UBE2E2: variants seen among roughly 807,000 people sequenced by gnomAD.
The protein encoded by UBE2E2 is ubiquitin-conjugating enzyme E2 E2.
Under a neutral mutation model 24.7 loss-of-function variants are expected in UBE2E2, and 6 were observed. The observed-to-expected ratio is 0.24, with a 90% CI of 0.13 to 0.48. UBE2E2 has a LOEUF of 0.48. UBE2E2 is among the 20% of genes least tolerant of loss of function. UBE2E2 has a pLI of 0.99. For synonymous variants in UBE2E2, 104 were observed against 83.6 expected (o/e 1.24, Z -1.33); for missense variants, 169 against 245.0 (o/e 0.69, Z 2.07).
intron 5 of UBE2E2, among the ~76,000 whole-genome samples, chr3:23,568,660 C>A (rs1696141960): frequency 1.0e-5 from 1 of 97,494 alleles, no homozygotes; most frequent in Non-Finnish European, 2.0e-5. Context: ...TATATGTATA[C>A]ATATATACGC....
intron 3 of UBE2E2, among the ~76,000 whole-genome samples, chr3:23,354,079 G>A (rs1422896454): frequency 1.3e-5 from 2 of 152,012 alleles, no homozygotes; most frequent in African/African-American, 2.4e-5. Flanking sequence ...CAGAAATAAC[G>A]CCACATATCT....
At chr3:23,522,068 AT>A (rs1198808794) in intron 4 of UBE2E2, among the ~76,000 whole-genome samples, 1 of 151,428 alleles carries the variant, frequency 6.6e-6, no homozygotes. Context: ...TGATTATGTT[AT>A]TGGATAACTT....
chr3:23,501,473 G>A (rs540709543), intron 4 of UBE2E2, among the ~76,000 whole-genome samples: 1 of 152,172 alleles, frequency 6.6e-6, no homozygotes, highest in Non-Finnish European at 1.5e-5. Context: ...ATGAGACTTA[G>A]AGAGGTTTTC....
At chr3:23,465,633 T>A (rs1003029132) in intron 3 of UBE2E2, among the ~76,000 whole-genome samples, 18 of 152,186 alleles carry the variant, frequency 1.2e-4, no homozygotes, top group African/African-American at 4.3e-4. Flanking sequence ...AACTTCTACC[T>A]TCTCTTTTTG....
At chr3:23,472,754 C>G (rs1448735948) in intron 3 of UBE2E2, among the ~76,000 whole-genome samples, 1 of 151,660 alleles carries the variant, frequency 6.6e-6, no homozygotes, top group Non-Finnish European at 1.5e-5. Context: ...ACTCAATCCT[C>G]CCACCTCAGC....
At chr3:23,252,652 G>A (rs770026785) in intron 3 of UBE2E2, among the ~76,000 whole-genome samples, 1 of 152,036 alleles carries the variant, frequency 6.6e-6, no homozygotes, top group East Asian at 1.9e-4. Flanking sequence ...ACGTGCCGCC[G>A]CATCCAGCTG....
At chr3:23,429,373 TA>T (rs1354191859) in intron 3 of UBE2E2, among the ~76,000 whole-genome samples, 4 of 152,096 alleles carry the variant, frequency 2.6e-5, no homozygotes, top group African/African-American at 7.2e-5. Context: ...ATAATAGGCG[TA>T]AAAAATTTTA....
At chr3:23,351,086 A>T (rs569424687) in intron 3 of UBE2E2, among the ~76,000 whole-genome samples, 3 of 152,360 alleles carry the variant, frequency 2.0e-5, no homozygotes, top group South Asian at 2.1e-4. Flanking sequence ...AATATTCAAC[A>T]TTCCTAAAGA....
chr3:23,538,509 A>G (rs1203027376), intron 5 of UBE2E2, among the ~76,000 whole-genome samples: 1 of 152,196 alleles, frequency 6.6e-6, no homozygotes, highest in East Asian at 1.9e-4. Context: ...ACAGTAAACA[A>G]AGTTCAAAAC....
At chr3:23,296,767 A>G (rs935150987) in intron 3 of UBE2E2, among the ~76,000 whole-genome samples, 1 of 152,208 alleles carries the variant, frequency 6.6e-6, no homozygotes, top group African/African-American at 2.4e-5. Context: ...CGCAATAAAC[A>G]TACGTATGCA....
rs75623895 is a variant in UBE2E2, at chr3:23,372,223, A to C, written c.228-127385A>C. Among the ~76,000 whole-genome samples, 1,231 of 152,338 alleles carry C rather than the reference A, an allele frequency of 8.1e-3. 14 individuals carry two copies. Among genetic ancestry groups the C allele is most frequent in the African/African-American group, 0.028 (1,171 of 41,586 alleles). ...ATTATATCTCAATTCTTAATGCAGG[A>C]AAAAGCACACTCCTAATGGGTACTT... On this transcript the variant is annotated intron_variant, in intron 3 of 5. Transcript: ENST00000396703.
At chr3:23,417,012 G>A (rs552097633) in intron 3 of UBE2E2, among the ~76,000 whole-genome samples, 5 of 152,234 alleles carry the variant, frequency 3.3e-5, no homozygotes, top group Non-Finnish European at 7.4e-5. Context: ...CTTTAGCTCG[G>A]AGGAATTTGT....
chr3:23,267,932 T>C (rs1575518563), intron 3 of UBE2E2, among the ~76,000 whole-genome samples: 2 of 151,834 alleles, frequency 1.3e-5, no homozygotes, highest in South Asian at 4.2e-4. Flanking sequence ...ATCCAGCATA[T>C]AAACAGAACC....
intron 3 of UBE2E2, among the ~76,000 whole-genome samples, chr3:23,454,214 A>T (rs1012087798): frequency 6.6e-6 from 1 of 152,154 alleles, no homozygotes; most frequent in Non-Finnish European, 1.5e-5. Context: ...TTATAAACTG[A>T]TTTTTTAAAT....
intron 5 of UBE2E2, among the ~76,000 whole-genome samples, chr3:23,562,560 G>A (rs1027622585): frequency 2.6e-5 from 4 of 152,134 alleles, no homozygotes; most frequent in African/African-American, 9.7e-5. Flanking sequence ...CCAGGCTTTG[G>A]TATCAGGATG....
chr3:23,520,532 A>G (rs1490160783), intron 4 of UBE2E2, among the ~76,000 whole-genome samples: 1 of 152,248 alleles, frequency 6.6e-6, no homozygotes. Flanking sequence ...CTTTCAAAGA[A>G]TGTCTCTTTT....
intron 2 of UBE2E2, among the ~76,000 whole-genome samples, chr3:23,216,820 T>A (rs931525093): frequency 6.6e-5 from 10 of 152,086 alleles, no homozygotes; most frequent in Admixed American, 5.9e-4. Context: ...ACCATATGCA[T>A]CTTGATGGCA....
At chr3:23,505,817 A>G (rs1694440162) in intron 4 of UBE2E2, among the ~76,000 whole-genome samples, 2 of 152,196 alleles carry the variant, frequency 1.3e-5, no homozygotes, top group African/African-American at 2.4e-5. Flanking sequence ...GAAAAGTGAA[A>G]TAGATGGGGT....
intron 5 of UBE2E2, among the ~76,000 whole-genome samples, chr3:23,551,800 CG>C (rs1245565495): frequency 1.3e-5 from 2 of 152,090 alleles, no homozygotes; most frequent in Non-Finnish European, 2.9e-5. Context: ...GCTAGGGCCT[CG>C]TATAAGGGTG....
Sources: allele counts gnomAD v4.1 joint callset (sites outside exome capture counted in the v4.1 genomes callset), GRCh38; gene constraint gnomAD v4.1.1; transcripts MANE v1.5; gene names NCBI Gene and HGNC (gene_info 2026-07-23, HGNC 2026-07-21).